Variants in CRACR2A observed in about 807,000 individuals in gnomAD.
The protein encoded by CRACR2A is EF-hand calcium-binding domain-containing protein 4B.
In CRACR2A, 79 loss-of-function variants were observed where a neutral mutation model predicts 90.5. The ratio of observed to expected loss-of-function variants is 0.87; its 90% CI spans 0.73 to 1.05. The LOEUF (loss-of-function observed/expected upper bound fraction) is 1.05, where lower values mean the gene tolerates loss of function less well. Ranked by LOEUF, CRACR2A falls within the 50% of genes least tolerant of loss-of-function variation. The pLI, the probability that CRACR2A is intolerant of heterozygous loss-of-function variation, is 0.00. For synonymous variants in CRACR2A, 338 were observed against 356.7 expected (o/e 0.95, Z 0.59); for missense variants, 823 against 897.2 (o/e 0.92, Z 1.06).
intron 7 of CRACR2A, among the ~76,000 whole-genome samples, chr12:3,666,343 G>T (rs112154841): frequency 1.3e-4 from 12 of 90,020 alleles, no homozygotes; most frequent in East Asian, 5.0e-4. Flanking sequence ...GTGTGTGTGT[G>T]TGTGTGTGTG....
chr12:3,666,330 C>CGTGTGT (rs750488682), intron 7 of CRACR2A, among the ~76,000 whole-genome samples: 2,252 of 139,638 alleles, frequency 0.016, 38 homozygotes, highest in African/African-American at 0.04. Context: ...AGGACGGCTG[C>CGTGTGT]GTGTGTGTGT....
At chr12:3,625,358 T>C (rs1036236834) in intron 17 of CRACR2A, among the ~76,000 whole-genome samples, 2 of 151,808 alleles carry the variant, frequency 1.3e-5, no homozygotes, top group Admixed American at 6.6e-5. Flanking sequence ...ACCACCAAAC[T>C]GTTCCACCTC....
At chr12:3,707,859 C>T (rs762733724) in intron 3 of CRACR2A, among the ~76,000 whole-genome samples, 22 of 152,162 alleles carry the variant, frequency 1.4e-4, no homozygotes, top group Non-Finnish European at 2.8e-4. Context: ...TATACCAGAT[C>T]TCCTTTTGTT....
At chr12:3,656,977 T>G (rs1272558341) in intron 8 of CRACR2A, among the ~76,000 whole-genome samples, 1 of 152,202 alleles carries the variant, frequency 6.6e-6, no homozygotes, top group Non-Finnish European at 1.5e-5. Flanking sequence ...CCTCAGGATG[T>G]TTTAATATCT....
At chr12:3,665,100 G>C (rs1297158207) in intron 7 of CRACR2A, among the ~76,000 whole-genome samples, 1 of 152,170 alleles carries the variant, frequency 6.6e-6, no homozygotes, top group Admixed American at 6.5e-5. Context: ...TAATCATTTT[G>C]AGTTATGTAA....
chr12:3,688,208 C>T (rs4297541), intron 4 of CRACR2A, among the ~76,000 whole-genome samples: 3,326 of 152,246 alleles, frequency 0.022, 126 homozygotes, highest in African/African-American at 0.075. Context: ...TTCCATTTGT[C>T]AATTTTTGCT....
At chr12:3,693,810 A>G (rs748135953) in intron 4 of CRACR2A, among the ~76,000 whole-genome samples, 18 of 152,158 alleles carry the variant, frequency 1.2e-4, no homozygotes, top group Non-Finnish European at 2.4e-4. Context: ...CTTGTGAAGT[A>G]TCTTACTGGG....
intron 3 of CRACR2A, among the ~76,000 whole-genome samples, chr12:3,708,630 T>G (rs1945966995): frequency 6.6e-6 from 1 of 152,176 alleles, no homozygotes; most frequent in Non-Finnish European, 1.5e-5. Context: ...TTTCACCGTG[T>G]TAGCCAGGAT....
chr12:3,626,256 T>C (rs1281289471), intron 17 of CRACR2A, among the ~76,000 whole-genome samples: 2 of 149,364 alleles, frequency 1.3e-5, no homozygotes, highest in African/African-American at 5.0e-5. Flanking sequence ...AAAGGGATCA[T>C]GGATCTTAGG....
intron 8 of CRACR2A, among the ~76,000 whole-genome samples, chr12:3,657,122 T>C (rs571500510): frequency 5.3e-5 from 8 of 152,208 alleles, no homozygotes; most frequent in Non-Finnish European, 1.2e-4. Context: ...ATCTGTGGTG[T>C]AAGGCCCCTG....
chr12:3,703,383 C>T (rs1410302125), intron 3 of CRACR2A, among the ~76,000 whole-genome samples: 1 of 152,210 alleles, frequency 6.6e-6, no homozygotes, highest in African/African-American at 2.4e-5. Flanking sequence ...CCGCACCCAG[C>T]TGCAAAAAGA....
chr12:3,639,977 C>T (rs747220371), intron 13 of CRACR2A, among the ~76,000 whole-genome samples: 1 of 152,176 alleles, frequency 6.6e-6, no homozygotes, highest in Non-Finnish European at 1.5e-5. Context: ...TTTGTATGTA[C>T]ACATGAGCAA....
intron 15 of CRACR2A, among the ~76,000 whole-genome samples, chr12:3,630,808 G>C (rs1263086388): frequency 3.3e-5 from 5 of 152,200 alleles, no homozygotes; most frequent in African/African-American, 1.2e-4. Flanking sequence ...CAGGCAGGAC[G>C]CCCCAGTCAC....
At chr12:3,666,200 G>A (rs575016423) in intron 7 of CRACR2A, among the ~76,000 whole-genome samples, 116 of 152,138 alleles carry the variant, frequency 7.6e-4, no homozygotes, top group Non-Finnish European at 1.4e-3. Flanking sequence ...ATGCCATAAG[G>A]GCAACAGTGG....
At chr12:3,639,692 G>C (rs533326970) in intron 13 of CRACR2A, among the ~76,000 whole-genome samples, 2 of 152,264 alleles carry the variant, frequency 1.3e-5, no homozygotes, top group Admixed American at 6.5e-5. Flanking sequence ...TCACCATCCT[G>C]AAATTAACTG....
intron 12 of CRACR2A, among the ~76,000 whole-genome samples, chr12:3,644,074 A>C (rs1944639029): frequency 6.9e-6 from 1 of 145,622 alleles, no homozygotes; most frequent in African/African-American, 2.5e-5. Context: ...ATATGCACAC[A>C]CTACATATAT....
intron 1 of CRACR2A, among the ~76,000 whole-genome samples, chr12:3,742,311 C>A (rs73249737): frequency 0.16 from 23,881 of 152,104 alleles, 2,068 homozygotes; most frequent in African/African-American, 0.2. Flanking sequence ...GAGGGTGGTC[C>A]CATCTTCTTC....
chr12:3,660,887 C>CACACACACACACACA (rs1271154180), intron 7 of CRACR2A, among the ~76,000 whole-genome samples: 1 of 118,978 alleles, frequency 8.4e-6, no homozygotes, highest in Admixed American at 9.4e-5. Flanking sequence ...CACACACACA[C>CACACACACACACACA]AATTTTGGCC....
At chr12:3,734,710 G>A (rs534496877) in intron 1 of CRACR2A, among the ~76,000 whole-genome samples, 3 of 152,022 alleles carry the variant, frequency 2.0e-5, no homozygotes, top group Non-Finnish European at 1.5e-5. Context: ...TACCATTTGC[G>A]ACAGCAGGGG....
Sources: gnomAD v4.1 joint callset for allele counts (sites outside exome capture counted in the v4.1 genomes callset) on GRCh38, gnomAD v4.1.1 for gene constraint, MANE v1.5 for transcripts, NCBI Gene and HGNC (gene_info 2026-07-23, HGNC 2026-07-21) for gene names.